CCSER1: variants seen among roughly 807,000 people sequenced by gnomAD.
The protein encoded by CCSER1 is serine-rich coiled-coil domain-containing protein 1.
In CCSER1, 41 loss-of-function variants were observed where a neutral mutation model predicts 82.0. The observed-to-expected ratio is 0.50, with a 90% CI of 0.39 to 0.65. The LOEUF is 0.65. Ranked by LOEUF, CCSER1 falls within the 30% of genes least tolerant of loss-of-function variation. The pLI, the probability that CCSER1 is intolerant of heterozygous loss-of-function variation, is 0.00. For missense variants in CCSER1, 1,119 were observed against 1,064.2 expected (o/e 1.05, Z -0.72); for synonymous variants, 414 against 383.9 (o/e 1.08, Z -0.92).
At chr4:90,347,422 G>T (rs1284267410) in intron 3 of CCSER1, among the ~76,000 whole-genome samples, 1 of 151,974 alleles carries the variant, frequency 6.6e-6, no homozygotes, top group Non-Finnish European at 1.5e-5. Flanking sequence ...GATTACAGTG[G>T]CTATCTCTGG....
chr4:90,469,834 C>A (rs928142596), intron 5 of CCSER1, among the ~76,000 whole-genome samples: 1 of 152,078 alleles, frequency 6.6e-6, no homozygotes, highest in South Asian at 2.1e-4. Flanking sequence ...GGTTGAATGT[C>A]CCTTATTCAA....
At chr4:91,530,689 T>C (rs1434431660) in intron 10 of CCSER1, among the ~76,000 whole-genome samples, 1 of 150,864 alleles carries the variant, frequency 6.6e-6, no homozygotes, top group African/African-American at 2.4e-5. Flanking sequence ...TCTTTCTTTT[T>C]TTTTTTTTTT....
intron 10 of CCSER1, among the ~76,000 whole-genome samples, chr4:91,382,200 A>G (rs1000914920): frequency 6.6e-6 from 1 of 152,034 alleles, no homozygotes; most frequent in Non-Finnish European, 1.5e-5. Context: ...CCATGCTGGG[A>G]GAACCACTAC....
intron 9 of CCSER1, among the ~76,000 whole-genome samples, chr4:90,999,522 T>C (rs768611143): frequency 1.3e-5 from 2 of 152,250 alleles, no homozygotes; most frequent in Non-Finnish European, 2.9e-5. Context: ...GGCTACTGTA[T>C]ATCTTCTTTT....
chr4:90,602,461 G>C (rs1784139203), intron 5 of CCSER1, among the ~76,000 whole-genome samples: 1 of 152,102 alleles, frequency 6.6e-6, no homozygotes, highest in Non-Finnish European at 1.5e-5. Flanking sequence ...TTTGACAAAT[G>C]AGACATTGTG....
chr4:90,158,051 T>C (rs1047403690), intron 1 of CCSER1, among the ~76,000 whole-genome samples: 40 of 152,322 alleles, frequency 2.6e-4, no homozygotes, highest in African/African-American at 6.7e-4. Context: ...GATGGGTTTT[T>C]GGTGTGGATG....
chr4:90,727,739 T>G (rs756233731), intron 7 of CCSER1, among the ~76,000 whole-genome samples: 1 of 152,224 alleles, frequency 6.6e-6, no homozygotes, highest in Admixed American at 6.5e-5. Flanking sequence ...TGACCCTCCA[T>G]AAAAGTACAA....
At chr4:91,038,678 G>A (rs1741663348) in intron 9 of CCSER1, among the ~76,000 whole-genome samples, 1 of 152,050 alleles carries the variant, frequency 6.6e-6, no homozygotes, top group South Asian at 2.1e-4. Flanking sequence ...AACATTGTTG[G>A]ATTACCTCAC....
At chr4:91,064,205 G>A (rs1244146586) in intron 9 of CCSER1, among the ~76,000 whole-genome samples, 2 of 152,074 alleles carry the variant, frequency 1.3e-5, no homozygotes, top group African/African-American at 4.8e-5. Context: ...CCAATGACTG[G>A]AAGAAGATTG....
chr4:91,159,897 G>A (rs1731203647), intron 10 of CCSER1, among the ~76,000 whole-genome samples: 1 of 151,694 alleles, frequency 6.6e-6, no homozygotes, highest in Non-Finnish European at 1.5e-5. Context: ...AATAACTAAA[G>A]CTAACTTTTT....
intron 10 of CCSER1, among the ~76,000 whole-genome samples, chr4:91,462,739 A>G (rs914598918): frequency 6.6e-5 from 10 of 152,082 alleles, no homozygotes; most frequent in Non-Finnish European, 1.2e-4. Flanking sequence ...AGGGTCCCAC[A>G]CCCACGGAGC....
intron 10 of CCSER1, among the ~76,000 whole-genome samples, chr4:91,471,740 T>C (rs182219470): frequency 1.3e-5 from 2 of 152,174 alleles, no homozygotes; most frequent in East Asian, 1.9e-4. Flanking sequence ...GCCATGTTGC[T>C]GTAAAAACAT....
chr4:90,168,579 G>A (rs1730977116), intron 1 of CCSER1, among the ~76,000 whole-genome samples: 1 of 152,082 alleles, frequency 6.6e-6, no homozygotes, highest in Non-Finnish European at 1.5e-5. Context: ...GTACTGCCTA[G>A]GTTTTCTTCT....
intron 7 of CCSER1, among the ~76,000 whole-genome samples, chr4:90,780,132 C>G (rs1035429069): frequency 6.6e-6 from 1 of 152,078 alleles, no homozygotes; most frequent in Non-Finnish European, 1.5e-5. Flanking sequence ...TATAGATGCC[C>G]TCAGGACTTG....
intron 6 of CCSER1, among the ~76,000 whole-genome samples, chr4:90,657,073 G>A (rs1478531451): frequency 6.6e-6 from 1 of 151,840 alleles, no homozygotes; most frequent in Non-Finnish European, 1.5e-5. Flanking sequence ...ATCTATCTGG[G>A]ATTATTGTCT....
intron 7 of CCSER1, among the ~76,000 whole-genome samples, chr4:90,762,213 A>C (rs189953341): frequency 7.7e-4 from 117 of 152,214 alleles, no homozygotes; most frequent in African/African-American, 2.5e-3. Context: ...GTGAGTTCTC[A>C]TGAGACTGAT....
chr4:91,370,877 G>T (rs575717430), intron 10 of CCSER1, among the ~76,000 whole-genome samples: 1 of 151,798 alleles, frequency 6.6e-6, no homozygotes, highest in East Asian at 2.0e-4. Context: ...TACTCTTTTA[G>T]TTATTTTTAT....
intron 5 of CCSER1, among the ~76,000 whole-genome samples, chr4:90,492,254 A>G (rs1206178174): frequency 6.6e-6 from 1 of 152,062 alleles, no homozygotes; most frequent in Admixed American, 6.6e-5. Context: ...GGGAGAGTGT[A>G]TGTGTCCAGG....
At chr4:91,207,700 T>A (rs1423169127) in intron 10 of CCSER1, among the ~76,000 whole-genome samples, 4 of 151,986 alleles carry the variant, frequency 2.6e-5, no homozygotes, top group Non-Finnish European at 4.4e-5. Context: ...TACATGTGCA[T>A]GTGGCTTCAT....
Sources: gnomAD v4.1 joint callset for allele counts (sites outside exome capture counted in the v4.1 genomes callset) on GRCh38, gnomAD v4.1.1 for gene constraint, MANE v1.5 for transcripts, NCBI Gene and HGNC (gene_info 2026-07-23, HGNC 2026-07-21) for gene names.